The following BAHD1 variants were observed in gnomAD, a reference collection of about 807,000 sequenced individuals.
BAHD1 encodes the protein bromo adjacent homology domain containing 1, also known as bromo adjacent homology domain-containing 1 protein.
Under a neutral mutation model 63.1 loss-of-function variants are expected in BAHD1, and 20 were observed. That is an observed-to-expected ratio of 0.32 (90% CI 0.22 to 0.46). The LOEUF (loss-of-function observed/expected upper bound fraction) is 0.46, where lower values mean the gene tolerates loss of function less well. Among genes scored for constraint, BAHD1 ranks in the 20% least tolerant of loss-of-function variants. The probability of loss-of-function intolerance (pLI) is 1.00; values close to 1 mark genes in which losing one functional copy is unlikely to be tolerated. For missense variants in BAHD1, 939 were observed against 1,071.8 expected (o/e 0.88, Z 1.73); for synonymous variants, 408 against 426.8 (o/e 0.96, Z 0.54).
chr15:40,465,046 G>A (rs1296791687), intron 5 of BAHD1: 20 of 463,036 alleles, frequency 4.3e-5, no homozygotes. Context: ...CTGGAAAGAT[G>A]AAGAACATTT....
At position 40,459,593 on chromosome 15, in the gene BAHD1, G is replaced by A; in HGVS notation, c.1129G>A (p.Gly377Ser). 1 of 1,614,194 alleles carries A rather than the reference G, an allele frequency of 6.2e-7. No homozygotes were observed. Among genetic ancestry groups the A allele is most frequent in the Non-Finnish European group, 8.5e-7 (1 of 1,180,040 alleles). ...TGTTGGGCCTGAGCTCACTGCACTA[G>A]GCAGCTTCTACCTGTACTGTGGCCA... ...LCVGPELTAL[G>S]SFYLYCGQEG... The change falls in exon 2 of 7, where the codon GGC becomes AGC. Residue 377 changes from glycine to serine, a missense_variant. Transcript: ENST00000416165.
chr15:40,445,538 C>G (rs191834166), intron 1 of BAHD1, among the ~76,000 whole-genome samples: 54 of 152,210 alleles, frequency 3.5e-4, no homozygotes, highest in Admixed American at 2.6e-3. Flanking sequence ...AGCACCCTGT[C>G]GCAAGGTGAG....
intron 1 of BAHD1, among the ~76,000 whole-genome samples, chr15:40,447,936 C>T (rs1035044053): frequency 6.6e-6 from 1 of 152,160 alleles, no homozygotes; most frequent in African/African-American, 2.4e-5. Context: ...CTTAGCATGT[C>T]ACCCTTTTCT....
At position 40,460,764 on chromosome 15, in the gene BAHD1, A is replaced by G. The variant is rs184440646; in HGVS notation, c.1432+868A>G. On this transcript the variant is annotated intron_variant, in intron 2 of 6. Coordinates refer to ENST00000416165, the MANE Select transcript of BAHD1 (RefSeq NM_014952.5). ...TGGGGAGGTGAGGGCTGGACCTTCC[A>G]GATCTCCCTTCCCCTGACATCCTTT... 2.6e-3 allele frequency among the ~76,000 whole-genome samples: 389 copies of G among 152,180 alleles called. 3 individuals are homozygous for G. Among genetic ancestry groups the G allele is most frequent in the African/African-American group, 9.0e-3 (375 of 41,516 alleles).
upstream of BAHD1, among the ~76,000 whole-genome samples, chr15:40,440,735 C>T (rs927479094): frequency 6.6e-6 from 1 of 152,144 alleles, no homozygotes; most frequent in Non-Finnish European, 1.5e-5. Context: ...ACTCCCCGCA[C>T]CGCCTCCCCC....
At chr15:40,438,465 G>A (rs879756094), upstream of BAHD1, among the ~76,000 whole-genome samples, 20 of 152,276 alleles carry the variant, frequency 1.3e-4, no homozygotes, top group African/African-American at 3.1e-4. Context: ...TAGCCAGCCC[G>A]TGTCCCCGCA....
chr15:40,448,914 G>A (rs1249360398), intron 1 of BAHD1, among the ~76,000 whole-genome samples: 1 of 148,038 alleles, frequency 6.8e-6, no homozygotes, highest in East Asian at 2.0e-4. Context: ...TCGGCTCATC[G>A]CAACCTCTGC....
chr15:40,439,193 G>C (rs1566955992), upstream of BAHD1, among the ~76,000 whole-genome samples: 1 of 152,208 alleles, frequency 6.6e-6, no homozygotes, highest in Non-Finnish European at 1.5e-5. Context: ...GTGGCAGTGG[G>C]AGAACCTGGA....
In BAHD1 at chr15:40,464,094, G is replaced by C. The variant is rs1894132633; in HGVS notation, c.1975+74G>C. 1.2e-5 allele frequency: 18 copies of C among 1,539,450 alleles called. 1 individual carries two copies. In the South Asian group the frequency reaches 2.0e-4, roughly 17 times the overall value. ...AACTGTAGTCCCCAGATTGGCCCCT[G>C]CCTGGAGTTTGACCTGGCGTGAGTC... is the stretch of plus-strand genomic sequence containing the variant. On this transcript the variant is annotated intron_variant, in intron 4 of 6. Transcript: ENST00000416165.
chr15:40,461,780 C>A, intron 2 of BAHD1, 132 bp from the exon 3 acceptor site: 1 of 1,148,392 alleles, frequency 8.7e-7, no homozygotes, highest in Non-Finnish European at 1.2e-6. Flanking sequence ...CATAAAAAGG[C>A]CTCTGATCCC....
At position 40,462,232 on chromosome 15, in the gene BAHD1, C is replaced by G; in HGVS notation, c.1753C>G (p.Arg585Gly). 1 of 1,611,254 alleles carries G rather than the reference C, an allele frequency of 6.2e-7. No homozygotes were observed. Residue 585 changes from arginine (R) to glycine (G), a missense_variant, in exon 3 of 7, where the codon CGC becomes GGC. Arg to Gly is a moderately radical substitution (Grantham distance 125, BLOSUM62 -2). Around this residue, in one of 5 missense-constraint regions of BAHD1, gnomAD observed 797 missense variants for 813.3 expected, o/e 0.98. Transcript: ENST00000416165. Reference protein sequence around the residue: ...VQRPRPRRRRRRRTNGWVPVG... With the variant: ...VQRPRPRRRRGRRTNGWVPVG... ...GCGCCCACGCCCTCGCCGCCGCCGT[C>G]GCCGCCGCACTAATGGCTGGGTACC...
rs560381001 is a variant in BAHD1, at chr15:40,462,172, C to T, written c.1693C>T (p.Arg565Cys). The T allele has an allele frequency of 3.3e-5, 54 of 1,612,250 alleles. No homozygotes were observed. The highest frequency in any genetic ancestry group is 2.0e-4 in the East Asian group (9 of 44,884). The change falls in exon 3 of 7, where the codon CGC (arginine) becomes TGC (cysteine). Residue 565 changes from arginine to cysteine, a missense_variant. Physicochemically the swap from Arg to Cys is radical, Grantham distance 180. Around this residue, in one of 5 missense-constraint regions of BAHD1, gnomAD observed 797 missense variants for 813.3 expected, o/e 0.98. Transcript: ENST00000416165. ...CRHTARSKAARRPSHPKQPRV... is the reference protein window; with the variant it reads ...CRHTARSKAACRPSHPKQPRV... ...GCACACTGCAAGGAGCAAGGCTGCC[C>T]GCAGGCCTAGCCACCCCAAGCAGCC...
chr15:40,437,509 T>C (rs1893296680), upstream of BAHD1, among the ~76,000 whole-genome samples: 1 of 152,206 alleles, frequency 6.6e-6, no homozygotes, highest in Non-Finnish European at 1.5e-5. Flanking sequence ...CGCATTTAAT[T>C]GTTGCCTTGG....
At position 40,466,098 on chromosome 15, in the gene BAHD1, C is replaced by T. The variant is rs2141557988; in HGVS notation, c.2311C>T (p.Arg771Cys). 1 of 1,613,948 alleles carries T rather than the reference C, an allele frequency of 6.2e-7. No homozygotes were observed. Among genetic ancestry groups the T allele is most frequent in the Non-Finnish European group, 8.5e-7 (1 of 1,179,874 alleles). The change falls in exon 7 of 7, where the codon CGC (arginine) becomes TGC (cysteine). Residue 771 changes from arginine to cysteine, a missense_variant. By Grantham distance (180) the Arg-to-Cys change is radical. Coordinates refer to ENST00000416165, the MANE Select transcript of BAHD1 (RefSeq NM_014952.5). ...VFLCRHVYDF[R>C]HGRILKNPQ ...CCTTTGCCGCCATGTCTATGACTTC[C>T]GCCACGGGCGCATCCTTAAGAACCC... is the stretch of plus-strand genomic sequence containing the variant.
chr15:40,440,446 G>A (rs1893365899), upstream of BAHD1, among the ~76,000 whole-genome samples: 1 of 152,010 alleles, frequency 6.6e-6, no homozygotes, highest in African/African-American at 2.4e-5. Flanking sequence ...TTGCCCTGGG[G>A]GCAGCAGCCT....
chr15:40,440,490 T>G (rs1246540503), upstream of BAHD1, among the ~76,000 whole-genome samples: 1 of 150,096 alleles, frequency 6.7e-6, no homozygotes, highest in Non-Finnish European at 1.5e-5. Flanking sequence ...GGCCCGCAGT[T>G]TTCTCCAGCG....
intron 1 of BAHD1, among the ~76,000 whole-genome samples, chr15:40,442,384 A>G (rs977461004): frequency 3.3e-5 from 5 of 150,200 alleles, no homozygotes; most frequent in African/African-American, 9.8e-5. Context: ...GGCTCTGGGA[A>G]GTGGGGTCTA....
rs200037214 is a variant in BAHD1, at chr15:40,458,979, G to A, written c.515G>A (p.Arg172Gln). ...GGWSSSKKRP[R>Q]LGDLGGGSRD... ...TGGTCCTCCTCCAAGAAGCGGCCCC[G>A]GCTGGGGGACCTTGGAGGAGGAAGT... Residue 172 changes from arginine (R) to glutamine (Q), a missense_variant, in exon 2 of 7, where the codon CGG becomes CAG. Arg to Gln is a conservative substitution (Grantham distance 43). Transcript: ENST00000416165. The surrounding 1 kb of genome is among the most constrained non-coding windows in gnomAD (Gnocchi z 4.7). 3.0e-5 allele frequency: 48 copies of A among 1,584,464 alleles called. No homozygotes were observed. The highest frequency in any genetic ancestry group is 2.3e-4 in the South Asian group (20 of 87,702).
At chr15:40,448,356 A>AT (rs1893605106) in intron 1 of BAHD1, among the ~76,000 whole-genome samples, 1 of 152,198 alleles carries the variant, frequency 6.6e-6, no homozygotes, top group South Asian at 2.1e-4. Context: ...GGGAAAACTA[A>AT]TAATGTGTGG....
Sources: gnomAD v4.1 joint callset for allele counts (sites outside exome capture counted in the v4.1 genomes callset) on GRCh38, gnomAD v4.1.1 for gene constraint, gnomAD v4.1.1 regional missense constraint, Gnocchi (gnomAD v3.1) non-coding constraint, MANE v1.5 for transcripts, NCBI Gene and HGNC (gene_info 2026-07-23, HGNC 2026-07-21) for gene names.